FBXO17: variants seen among roughly 807,000 people sequenced by gnomAD.
FBXO17 encodes the protein F-box only protein 17.
FBXO17 carries 43 observed loss-of-function variants against 34.1 expected under a neutral mutation model. The observed-to-expected ratio is 1.26, with a 90% confidence interval of 0.99 to 1.62. The LOEUF (loss-of-function observed/expected upper bound fraction) is 1.62, where lower values mean the gene tolerates loss of function less well. FBXO17 is among the 40% of genes most tolerant of loss of function. The pLI is 0.00. For missense variants in FBXO17, 424 were observed against 386.7 expected (o/e 1.10, Z -0.81); for synonymous variants, 169 against 166.0 (o/e 1.02, Z -0.14).
intron 3 of FBXO17, 40 bp downstream of exon 3, chr19:38,948,527 T>C (rs757816406): frequency 6.5e-7 from 1 of 1,539,486 alleles, no homozygotes; most frequent in Non-Finnish European, 8.9e-7. Context: ...CTTTGGGGCC[T>C]TTGCCCCAGG....
At chr19:38,968,321 A>G (rs1975346820) in intron 1 of FBXO17, among the ~76,000 whole-genome samples, 1 of 149,846 alleles carries the variant, frequency 6.7e-6, no homozygotes, top group African/African-American at 2.5e-5. Flanking sequence ...TCTGTCTCCA[A>G]AAAAAAAAGT....
chr19:38,955,215 G>C (rs986026489), intron 1 of FBXO17, among the ~76,000 whole-genome samples: 1 of 152,036 alleles, frequency 6.6e-6, no homozygotes, highest in South Asian at 2.1e-4. Context: ...ACAGGCGTGA[G>C]CCACTGCAAC....
At chr19:38,957,133 G>A (rs571284708) in intron 1 of FBXO17, among the ~76,000 whole-genome samples, 2 of 151,974 alleles carry the variant, frequency 1.3e-5, no homozygotes, top group African/African-American at 4.8e-5. Flanking sequence ...GAGGCCCGGC[G>A]CTTGAACCCG....
intron 1 of FBXO17, among the ~76,000 whole-genome samples, chr19:38,966,966 G>GA (rs1405515752): frequency 2.6e-5 from 4 of 152,112 alleles, no homozygotes; most frequent in African/African-American, 9.7e-5. Flanking sequence ...GAAAACAGGA[G>GA]AAAATCTCAT....
intron 2 of FBXO17, among the ~76,000 whole-genome samples, chr19:38,949,343 G>GC (rs1975035318): frequency 6.6e-6 from 1 of 151,918 alleles, no homozygotes; most frequent in African/African-American, 2.4e-5. Flanking sequence ...CAAGTGATCT[G>GC]CCCCCTCGGG....
intron 5 of FBXO17, among the ~76,000 whole-genome samples, chr19:38,943,114 AGGTGGGAGAAT>A (rs1207516556): frequency 6.6e-6 from 1 of 151,836 alleles, no homozygotes. Context: ...AAAGGCCCTG[AGGTGGGAGAAT>A]GCCTGGAGCT....
chr19:38,972,884 T>G (rs763144761), intron 1 of FBXO17, among the ~76,000 whole-genome samples: 8 of 151,922 alleles, frequency 5.3e-5, no homozygotes, highest in Non-Finnish European at 1.2e-4. Flanking sequence ...CTCAGCCTCC[T>G]AAGTAGCTGG....
intron 2 of FBXO17, 122 bp downstream of exon 2, chr19:38,949,849 G>T: frequency 8.2e-7 from 1 of 1,218,778 alleles, no homozygotes; most frequent in Non-Finnish European, 1.1e-6. Flanking sequence ...CCTCAGCCCC[G>T]CCCCCTGGCT....
chr19:38,967,872 T>C (rs1232580327), intron 1 of FBXO17, among the ~76,000 whole-genome samples: 1 of 152,052 alleles, frequency 6.6e-6, no homozygotes, highest in Admixed American at 6.6e-5. Context: ...AGCTGGGAAA[T>C]GCCAATTAAA....
At chr19:38,971,327 C>T (rs1430788969) in intron 1 of FBXO17, among the ~76,000 whole-genome samples, 2 of 152,050 alleles carry the variant, frequency 1.3e-5, no homozygotes, top group Non-Finnish European at 1.5e-5. Context: ...TGGGCACCTC[C>T]ATATGCTGCC....
chr19:38,944,047 G>A (rs543337188), intron 5 of FBXO17, among the ~76,000 whole-genome samples: 27 of 152,202 alleles, frequency 1.8e-4, no homozygotes, highest in African/African-American at 3.9e-4. Flanking sequence ...CCTGGCAGTC[G>A]CCAATCTTCT....
Position 38,962,561 on chromosome 19 carries a change from C to T in FBXO17, c.-17-12225G>A, listed in dbSNP as rs1975266788. On this transcript the variant is annotated intron_variant, in intron 1 of 5. Transcript: ENST00000292852. ...TCTGCCGCATTCTACTGGTGCCGCA[C>T]CATAGGGATGCCTTTGTCCTTCGGT... 2.6e-5 allele frequency among the ~76,000 whole-genome samples: 4 copies of T among 152,280 alleles called. No homozygotes were observed. The South Asian group carries it at 8.3e-4, about 32-fold the overall frequency.
intron 1 of FBXO17, among the ~76,000 whole-genome samples, chr19:38,973,783 G>C (rs1262453947): frequency 6.6e-6 from 1 of 151,836 alleles, no homozygotes. Flanking sequence ...TTCGAGACCA[G>C]CCTGGGTAAC....
chr19:38,942,594 C>A lies in FBXO17; in HGVS notation c.*14G>T. 1 of 1,539,400 alleles carries A rather than the reference C, an allele frequency of 6.5e-7. No individual in the cohort carries two copies. On this transcript the variant is annotated 3_prime_UTR_variant, in exon 6 of 6. Transcript: ENST00000292852. ...GCTGGTCTTGACTGACAACGTCAGG[C>A]AGTAGTCCAGTCGCTAGGACAGACG... is the stretch of plus-strand genomic sequence containing the variant.
chr19:38,945,094 G>A lies in FBXO17; in HGVS notation c.568C>T (p.Arg190Ter), dbSNP rs992533026. 10 of 1,613,966 alleles carry A rather than the reference G, an allele frequency of 6.2e-6. No individual in the cohort carries two copies. The highest frequency in any genetic ancestry group is 7.6e-6 in the Non-Finnish European group (9 of 1,180,022). ...EICVADWWGA[R>*]ENCGCVYQLR... Reference sequence around the variant, plus strand: ...TGGTAGACGCAGCCGCAGTTCTCTCGAGCGCCCCACCTGCCAGGCAGCAGT... The same window carrying A: ...TGGTAGACGCAGCCGCAGTTCTCTCAAGCGCCCCACCTGCCAGGCAGCAGT... The change falls in exon 5 of 6, where the codon CGA becomes TGA. Residue 190 changes from arginine (R) to a stop codon, truncating the protein, a stop_gained. Coordinates refer to ENST00000292852, the MANE Select transcript of FBXO17 (RefSeq NM_024907.7). LOFTEE classifies it high-confidence loss of function.
In FBXO17 at chr19:38,963,562, G is replaced by A. The variant is rs1196858090; in HGVS notation, c.-18+12024C>T. ...CCCAGCTTGGCCTCCCAAATTGCTG[G>A]GATTACAGGCATGAGCCACCGCGCT... On this transcript the variant is annotated intron_variant, in intron 1 of 5. Coordinates refer to ENST00000292852, the MANE Select transcript of FBXO17 (RefSeq NM_024907.7). Among the ~76,000 whole-genome samples the A allele has an allele frequency of 2.6e-5, 4 of 152,048 alleles. No individual in the cohort carries two copies. In the East Asian group the frequency reaches 7.7e-4, roughly 29 times the overall value.
At chr19:38,974,842 G>T (rs1464735678) in intron 1 of FBXO17, among the ~76,000 whole-genome samples, 1 of 152,164 alleles carries the variant, frequency 6.6e-6, no homozygotes, top group Non-Finnish European at 1.5e-5. Context: ...AGAGGTTGTT[G>T]TTTAAAGGCG....
chr19:38,969,724 G>T (rs1157077485), intron 1 of FBXO17, among the ~76,000 whole-genome samples: 1 of 151,114 alleles, frequency 6.6e-6, no homozygotes, highest in Non-Finnish European at 1.5e-5. Flanking sequence ...AGACTCCCAG[G>T]TAGCTGGGAT....
At chr19:38,972,619 A>G (rs1490141158) in intron 1 of FBXO17, among the ~76,000 whole-genome samples, 2 of 151,486 alleles carry the variant, frequency 1.3e-5, no homozygotes, top group African/African-American at 4.8e-5. Flanking sequence ...TACTGTATAC[A>G]TGTCTTCTGT....
Sources: allele counts gnomAD v4.1 joint callset (sites outside exome capture counted in the v4.1 genomes callset), GRCh38; gene constraint gnomAD v4.1.1; transcripts MANE v1.5; gene names NCBI Gene and HGNC (gene_info 2026-07-23, HGNC 2026-07-21).